Variants in CACNA1C observed in about 807,000 individuals in gnomAD.
CACNA1C encodes voltage-dependent L-type calcium channel subunit alpha-1C.
Under a neutral mutation model 229.0 loss-of-function variants are expected in CACNA1C, and 30 were observed. The observed-to-expected ratio is 0.13, with a 90% CI of 0.10 to 0.18. The LOEUF is 0.18. Ranked by LOEUF, CACNA1C falls within the 10% of genes least tolerant of loss-of-function variation. CACNA1C has a pLI of 1.00. For missense variants in CACNA1C, 1,658 were observed against 2,845.0 expected, an observed-to-expected ratio of 0.58 and a Z score of 9.49; for synonymous variants, 1,114 against 1,132.5, an observed-to-expected ratio of 0.98 and a Z score of 0.33.
At chr12:2,671,379 C>T (rs1001815119) in intron 38 of CACNA1C, among the ~76,000 whole-genome samples, 1 of 152,268 alleles carries the variant, frequency 6.6e-6, no homozygotes, top group East Asian at 1.9e-4. Context: ...GAAATGTGTT[C>T]GTATGCTAAC....
At chr12:2,156,804 T>C (rs576692411) in intron 3 of CACNA1C, among the ~76,000 whole-genome samples, 2 of 152,336 alleles carry the variant, frequency 1.3e-5, no homozygotes, top group African/African-American at 4.8e-5. Flanking sequence ...AATGTCCATT[T>C]CTCCCCCAGC....
At chr12:2,247,574 G>GGGAAAAA (rs1374543640) in intron 3 of CACNA1C, among the ~76,000 whole-genome samples, 2 of 152,154 alleles carry the variant, frequency 1.3e-5, no homozygotes, top group Non-Finnish European at 2.9e-5. Flanking sequence ...CTGAGTTTCA[G>GGGAAAAA]GCTTCCTGAC....
intron 30 of CACNA1C, among the ~76,000 whole-genome samples, chr12:2,636,155 G>T (rs2092632178): frequency 6.6e-6 from 1 of 152,204 alleles, no homozygotes; most frequent in Admixed American, 6.5e-5. Context: ...CCCTCAGGAG[G>T]TTTCCTTTCC....
At chr12:2,459,891 C>T (rs760953837) in intron 5 of CACNA1C, among the ~76,000 whole-genome samples, 4 of 152,112 alleles carry the variant, frequency 2.6e-5, no homozygotes, top group Middle Eastern at 3.2e-3. Context: ...GGTATTAGGA[C>T]GTATCATAAA....
intron 3 of CACNA1C, among the ~76,000 whole-genome samples, chr12:2,435,754 G>T (rs759477631): frequency 6.6e-6 from 1 of 152,218 alleles, no homozygotes; most frequent in Admixed American, 6.5e-5. Context: ...AGCCTCTAGT[G>T]CCCGGCACTA....
chr12:2,549,357 T>C (rs908147614), intron 9 of CACNA1C, among the ~76,000 whole-genome samples: 3 of 152,122 alleles, frequency 2.0e-5, no homozygotes, highest in Non-Finnish European at 4.4e-5. Context: ...AGTGCATGGC[T>C]CTGGGGATGG....
intron 3 of CACNA1C, among the ~76,000 whole-genome samples, chr12:2,240,405 T>A (rs954167008): frequency 4.6e-5 from 7 of 152,234 alleles, no homozygotes; most frequent in Non-Finnish European, 1.0e-4. Flanking sequence ...GGATTGCATT[T>A]TAGCAATCTT....
intron 3 of CACNA1C, among the ~76,000 whole-genome samples, chr12:2,311,760 A>G (rs2154485494): frequency 6.6e-6 from 1 of 152,374 alleles, no homozygotes; most frequent in East Asian, 1.9e-4. Context: ...TGATAAAACT[A>G]GAAACAGCTT....
At chr12:2,384,684 C>A (rs1020567468) in intron 3 of CACNA1C, among the ~76,000 whole-genome samples, 2 of 152,130 alleles carry the variant, frequency 1.3e-5, no homozygotes, top group African/African-American at 2.4e-5. Context: ...ACATGGGCAA[C>A]CTGCAACCTG....
At chr12:2,169,161 T>G (rs570876085) in intron 3 of CACNA1C, among the ~76,000 whole-genome samples, 8 of 152,254 alleles carry the variant, frequency 5.3e-5, no homozygotes, top group African/African-American at 1.9e-4. Flanking sequence ...CCGCACTCAG[T>G]TCGTGAAACA....
At chr12:2,101,816 G>T (rs575593873) in intron 1 of CACNA1C, among the ~76,000 whole-genome samples, 2 of 151,948 alleles carry the variant, frequency 1.3e-5, no homozygotes, top group South Asian at 4.2e-4. Flanking sequence ...CCCTCACAAG[G>T]TCGCTGCCTC....
chr12:2,135,737 G>A (rs992475485), intron 3 of CACNA1C, among the ~76,000 whole-genome samples: 1 of 146,352 alleles, frequency 6.8e-6, no homozygotes, highest in Non-Finnish European at 1.5e-5. Context: ...ATTTAAGTCT[G>A]CAGAAGTTAC....
At position 2,566,759 on chromosome 12, in the gene CACNA1C, A is replaced by G. The variant is rs1269082132; in HGVS notation, c.1669+177A>G. On this transcript the variant is annotated intron_variant, in intron 12 of 46. Coordinates refer to ENST00000399655, the MANE Select transcript of CACNA1C (RefSeq NM_000719.7). The surrounding 1 kb of genome is among the most constrained non-coding windows in gnomAD (Gnocchi z 4.0). ...GGCAGTTCCAAAGCCCCACAATAAA[A>G]TGCGCTACCTTGTTAAAAACAGACA... Among the ~76,000 whole-genome samples, 1 of 152,146 alleles carries G rather than the reference A, an allele frequency of 6.6e-6. No individual in the cohort carries two copies. The highest frequency in any genetic ancestry group is 1.5e-5 in the Non-Finnish European group (1 of 68,034).
chr12:2,283,587 C>T (rs759241009), intron 3 of CACNA1C, among the ~76,000 whole-genome samples: 1 of 152,194 alleles, frequency 6.6e-6, no homozygotes, highest in African/African-American at 2.4e-5. Context: ...CAGCACAGTG[C>T]CCGGTACACA....
intron 9 of CACNA1C, among the ~76,000 whole-genome samples, chr12:2,543,013 T>G (rs922357640): frequency 6.6e-6 from 1 of 152,206 alleles, no homozygotes; most frequent in Admixed American, 6.5e-5. Context: ...GCAAATCTCT[T>G]GAGAGGCCAG....
chr12:2,490,742 A>T (rs1357616834), intron 6 of CACNA1C, among the ~76,000 whole-genome samples: 1 of 152,220 alleles, frequency 6.6e-6, no homozygotes, highest in African/African-American at 2.4e-5. Context: ...TCACATTTTT[A>T]AAAGTCATAA....
At chr12:2,552,759 C>A (rs1007599161) in intron 10 of CACNA1C, among the ~76,000 whole-genome samples, 1 of 152,006 alleles carries the variant, frequency 6.6e-6, no homozygotes, top group Non-Finnish European at 1.5e-5. Context: ...TCTTGGGAGT[C>A]GGTCTCAGTG....
intron 10 of CACNA1C, among the ~76,000 whole-genome samples, chr12:2,550,822 G>T (rs987352496): frequency 6.6e-6 from 1 of 152,186 alleles, no homozygotes; most frequent in African/African-American, 2.4e-5. Context: ...GGCCTTGAGC[G>T]TGGCCTGGGA....
At chr12:2,369,961 T>A (rs2097817730) in intron 3 of CACNA1C, among the ~76,000 whole-genome samples, 1 of 152,120 alleles carries the variant, frequency 6.6e-6, no homozygotes, top group Admixed American at 6.5e-5. Flanking sequence ...TGGGAAAATG[T>A]TTATTAAAGT....
Sources: allele counts gnomAD v4.1 joint callset (sites outside exome capture counted in the v4.1 genomes callset), GRCh38; gene constraint gnomAD v4.1.1; non-coding constraint Gnocchi (gnomAD v3.1); transcripts MANE v1.5; gene names NCBI Gene and HGNC (gene_info 2026-07-23, HGNC 2026-07-21).